Variants in KSR1 observed in about 807,000 individuals in gnomAD.
KSR1 encodes the protein kinase suppressor of ras.
Under a neutral mutation model 92.9 loss-of-function variants are expected in KSR1, and 35 were observed. The ratio of observed to expected loss-of-function variants is 0.38; its 90% CI spans 0.29 to 0.50. The LOEUF (loss-of-function observed/expected upper bound fraction) is 0.50, where lower values mean the gene tolerates loss of function less well. KSR1 is among the 20% of genes least tolerant of loss of function. The pLI is 0.94. For synonymous variants in KSR1, 467 were observed against 472.6 expected, an observed-to-expected ratio of 0.99 and a Z score of 0.15; for missense variants, 972 against 1,158.5, an observed-to-expected ratio of 0.84 and a Z score of 2.34.
At chr17:27,497,981 G>A (rs971214829) in intron 1 of KSR1, among the ~76,000 whole-genome samples, 1 of 152,200 alleles carries the variant, frequency 6.6e-6, no homozygotes, top group African/African-American at 2.4e-5. Context: ...TGAGGAGTGT[G>A]TGTGCATGTG....
At chr17:27,576,947 C>G (rs1351357340) in intron 2 of KSR1, among the ~76,000 whole-genome samples, 3 of 152,296 alleles carry the variant, frequency 2.0e-5, no homozygotes, top group Non-Finnish European at 4.4e-5. Context: ...CATAATCTCT[C>G]TGAGCCTCTT....
chr17:27,536,975 G>T (rs990127749), intron 1 of KSR1, among the ~76,000 whole-genome samples: 18 of 152,364 alleles, frequency 1.2e-4, no homozygotes, highest in African/African-American at 3.8e-4. Flanking sequence ...GTCTACACTC[G>T]TATGGTAGAC....
intron 1 of KSR1, among the ~76,000 whole-genome samples, chr17:27,537,890 A>G (rs2070809639): frequency 6.6e-6 from 1 of 152,230 alleles, no homozygotes; most frequent in Non-Finnish European, 1.5e-5. Flanking sequence ...AAAAAGATAC[A>G]ACAATAAAAC....
chr17:27,505,323 A>G (rs1174562135), intron 1 of KSR1, among the ~76,000 whole-genome samples: 1 of 152,176 alleles, frequency 6.6e-6, no homozygotes, highest in Non-Finnish European at 1.5e-5. Flanking sequence ...GCCATCCCCC[A>G]GGGTCCACAG....
At chr17:27,460,170 A>T (rs936864303) in intron 1 of KSR1, among the ~76,000 whole-genome samples, 2 of 152,118 alleles carry the variant, frequency 1.3e-5, no homozygotes, top group Admixed American at 6.5e-5. Flanking sequence ...GAATGTTCTT[A>T]TGCCCCAGTG....
At chr17:27,584,881 C>T (rs548349883) in intron 4 of KSR1, among the ~76,000 whole-genome samples, 12 of 152,306 alleles carry the variant, frequency 7.9e-5, no homozygotes, top group African/African-American at 2.9e-4. Flanking sequence ...GCTACCTCTG[C>T]TCTGCACAGC....
intron 1 of KSR1, among the ~76,000 whole-genome samples, chr17:27,526,045 TCTC>T (rs2070265483): frequency 8.5e-6 from 1 of 117,986 alleles, no homozygotes; most frequent in Non-Finnish European, 1.7e-5. Context: ...TTCTTTTCTT[TCTC>T]TCTCTCTCTC....
intron 20 of KSR1, chr17:27,622,270 G>T (rs1048239521): frequency 1.8e-5 from 7 of 381,288 alleles, no homozygotes; most frequent in Non-Finnish European, 2.9e-5. Context: ...GTTTTTGTTT[G>T]GGTGGCTCTG....
chr17:27,519,637 T>C (rs2069941100), intron 1 of KSR1, among the ~76,000 whole-genome samples: 1 of 152,200 alleles, frequency 6.6e-6, no homozygotes. Context: ...GGTGCTTGCT[T>C]GTGGGGCCTG....
At chr17:27,602,619 AC>A (rs941120353) in intron 11 of KSR1, among the ~76,000 whole-genome samples, 1 of 152,182 alleles carries the variant, frequency 6.6e-6, no homozygotes, top group Admixed American at 6.5e-5. Flanking sequence ...GAGAAACCAC[AC>A]CCCAACTCTT....
Position 27,559,269 on chromosome 17 carries a change from G to A in KSR1, c.372+8561G>A, listed in dbSNP as rs867749263. 6.6e-6 allele frequency among the ~76,000 whole-genome samples: 1 copy of A among 152,178 alleles called. No individual in the cohort carries two copies. Among genetic ancestry groups the A allele is most frequent in the Admixed American group, 6.5e-5 (1 of 15,280 alleles). On this transcript the variant is annotated intron_variant, in intron 2 of 20. Transcript: ENST00000644974. This position sits in a 1 kb window ranked among gnomAD's most constrained non-coding sequence, Gnocchi z 4.2. Reference sequence around the variant, plus strand: ...CCTGAGTCAGATGCCAGCCCTCTGCGGCTCCGAGCCTGCTGCGGCGCTGCA... The same window carrying A: ...CCTGAGTCAGATGCCAGCCCTCTGCAGCTCCGAGCCTGCTGCGGCGCTGCA...
At chr17:27,593,332 C>T (rs1228801750) in intron 9 of KSR1, among the ~76,000 whole-genome samples, 1 of 152,248 alleles carries the variant, frequency 6.6e-6, no homozygotes, top group Admixed American at 6.5e-5. Context: ...CTGACAGCAG[C>T]TCCCATCCTG....
chr17:27,461,249 T>G (rs1421200281), intron 1 of KSR1, among the ~76,000 whole-genome samples: 1 of 152,030 alleles, frequency 6.6e-6, no homozygotes, highest in Non-Finnish European at 1.5e-5. Context: ...TCCAGCTAAT[T>G]TTCGTGTTTT....
chr17:27,547,516 A>T (rs1316856943), intron 1 of KSR1, among the ~76,000 whole-genome samples: 1 of 152,192 alleles, frequency 6.6e-6, no homozygotes, highest in African/African-American at 2.4e-5. Flanking sequence ...AGCAGTTTCC[A>T]CTTGTCACAA....
chr17:27,566,165 G>A (rs2151127100), intron 2 of KSR1, among the ~76,000 whole-genome samples: 1 of 152,218 alleles, frequency 6.6e-6, no homozygotes, highest in East Asian at 1.9e-4. Flanking sequence ...CCTTTTGGAG[G>A]GAGGTGGCAA....
At chr17:27,490,232 AGTAAATGTTAT>A (rs2068781366) in intron 1 of KSR1, among the ~76,000 whole-genome samples, 1 of 152,222 alleles carries the variant, frequency 6.6e-6, no homozygotes, top group South Asian at 2.1e-4. Flanking sequence ...TTAAGCATAT[AGTAAATGTTAT>A]GTAAATGCTA....
At chr17:27,553,807 A>G (rs1203217853) in intron 2 of KSR1, among the ~76,000 whole-genome samples, 1 of 152,200 alleles carries the variant, frequency 6.6e-6, no homozygotes, top group Non-Finnish European at 1.5e-5. Context: ...TTCAGCTCCT[A>G]CAGACTGGGG....
intron 1 of KSR1, among the ~76,000 whole-genome samples, chr17:27,495,747 C>T (rs2068963772): frequency 6.6e-6 from 1 of 152,206 alleles, no homozygotes; most frequent in African/African-American, 2.4e-5. Context: ...CCCTGTGGAA[C>T]CTGAGTTGAT....
At chr17:27,498,435 C>G (rs973008374) in intron 1 of KSR1, among the ~76,000 whole-genome samples, 2 of 151,284 alleles carry the variant, frequency 1.3e-5, no homozygotes, top group Non-Finnish European at 2.9e-5. Context: ...CACAGGGAAA[C>G]AGCTCAGGAG....
Sources: gnomAD v4.1 joint callset for allele counts (sites outside exome capture counted in the v4.1 genomes callset) on GRCh38, gnomAD v4.1.1 for gene constraint, Gnocchi (gnomAD v3.1) non-coding constraint, MANE v1.5 for transcripts, NCBI Gene and HGNC (gene_info 2026-07-23, HGNC 2026-07-21) for gene names.